The following SERGEF variants were observed in gnomAD, a reference collection of about 807,000 sequenced individuals.
SERGEF encodes the protein secretion regulating guanine nucleotide exchange factor.
In SERGEF, 51 loss-of-function variants were observed where a neutral mutation model predicts 50.0. The observed-to-expected ratio is 1.02, with a 90% confidence interval of 0.81 to 1.29. The LOEUF is 1.29. SERGEF is among the 50% of genes most tolerant of loss of function. The pLI, the probability that SERGEF is intolerant of heterozygous loss-of-function variation, is 0.00. For synonymous variants in SERGEF, 205 were observed against 212.4 expected (o/e 0.97, Z 0.30); for missense variants, 521 against 557.0 (o/e 0.94, Z 0.65).
At chr11:17,982,967 G>C (rs1218639612) in intron 8 of SERGEF, among the ~76,000 whole-genome samples, 1 of 152,122 alleles carries the variant, frequency 6.6e-6, no homozygotes. Flanking sequence ...CTCTCTGCTT[G>C]GTTTCAGTTT....
At chr11:17,949,972 A>T (rs1232868664) in intron 9 of SERGEF, among the ~76,000 whole-genome samples, 4 of 152,212 alleles carry the variant, frequency 2.6e-5, no homozygotes, top group Admixed American at 1.3e-4. Flanking sequence ...GCATGCAAAG[A>T]CCCAGAAGTA....
chr11:17,886,927 T>C (rs895516047), intron 9 of SERGEF, among the ~76,000 whole-genome samples: 2 of 152,186 alleles, frequency 1.3e-5, no homozygotes, highest in Admixed American at 6.5e-5. Context: ...TGTGGATTAA[T>C]GCATAGATTG....
chr11:17,843,622 A>T (rs1461326690), intron 10 of SERGEF, among the ~76,000 whole-genome samples: 1 of 152,176 alleles, frequency 6.6e-6, no homozygotes, highest in Non-Finnish European at 1.5e-5. Context: ...CATTAAGGAC[A>T]TTACTTGGAT....
intron 10 of SERGEF, among the ~76,000 whole-genome samples, chr11:17,871,936 G>C (rs192230255): frequency 8.1e-4 from 124 of 152,210 alleles, no homozygotes; most frequent in African/African-American, 2.9e-3. Flanking sequence ...GCACCCAAGA[G>C]AAATAAATGC....
chr11:17,861,891 C>A (rs1403442015), intron 10 of SERGEF, among the ~76,000 whole-genome samples: 2 of 152,264 alleles, frequency 1.3e-5, no homozygotes. Flanking sequence ...TAATATCTTA[C>A]AAAGCCACAA....
At position 17,788,208 on chromosome 11, in the gene SERGEF, G is replaced by A. The variant is rs748000615; in HGVS notation, c.1254C>T (p.Ser418=). The change falls in exon 11 of 11, where the codon TCC becomes TCT. Residue 418 remains serine (S), a synonymous_variant. Coordinates refer to ENST00000265965, the MANE Select transcript of SERGEF (RefSeq NM_012139.4). ...LVQDPKVTYL[S]PDAIEDTESQ... ...ATTCAGTGTCCTCGATGGCATCTGG[G>A]GAAAGGTAGGTGACCTTGGGGTCCT... 4.3e-6 allele frequency: 7 copies of A among 1,610,248 alleles called. No homozygotes were observed. The highest frequency in any genetic ancestry group is 5.9e-6 in the Non-Finnish European group (7 of 1,176,986).
rs547898268 is a variant in SERGEF at position 17,946,699 on chromosome 11, G to A, written c.1011+12771C>T. Among the ~76,000 whole-genome samples, 8 of 152,268 alleles carry A rather than the reference G, an allele frequency of 5.3e-5. No individual in the cohort carries two copies. In the East Asian group the frequency reaches 1.3e-3, roughly 26 times the overall value. ...GCAAAGGGAAATGCACCATTTGCAC[G>A]CCTCTGTGTTCTCACCCTAAAATAG... On this transcript the variant is annotated intron_variant, in intron 9 of 10. Transcript: ENST00000265965.
intron 5 of SERGEF, among the ~76,000 whole-genome samples, chr11:17,999,042 C>A (rs1454876269): frequency 1.3e-5 from 2 of 152,158 alleles, no homozygotes; most frequent in East Asian, 3.9e-4. Context: ...CTGATATACA[C>A]AACTTGGATG....
intron 8 of SERGEF, among the ~76,000 whole-genome samples, chr11:17,973,463 T>C (rs1853296630): frequency 1.3e-5 from 2 of 152,062 alleles, no homozygotes; most frequent in African/African-American, 2.4e-5. Flanking sequence ...TTTGGGGAAA[T>C]GGGAAGCTCA....
intron 9 of SERGEF, among the ~76,000 whole-genome samples, chr11:17,945,722 G>T (rs756109050): frequency 3.3e-5 from 5 of 152,076 alleles, no homozygotes; most frequent in Non-Finnish European, 7.4e-5. Flanking sequence ...TAAGGCAGGC[G>T]GATTACCTGG....
chr11:17,825,520 G>A (rs1850177402), intron 10 of SERGEF, among the ~76,000 whole-genome samples: 1 of 152,202 alleles, frequency 6.6e-6, no homozygotes, highest in Non-Finnish European at 1.5e-5. Context: ...TCTACCTAGT[G>A]TTTGTGGGTG....
intron 10 of SERGEF, among the ~76,000 whole-genome samples, chr11:17,791,831 A>G (rs1849488943): frequency 6.6e-6 from 1 of 152,264 alleles, no homozygotes; most frequent in South Asian, 2.1e-4. Flanking sequence ...CCTGGCACAT[A>G]GTACTACATA....
intron 9 of SERGEF, among the ~76,000 whole-genome samples, chr11:17,946,552 G>A (rs1852666321): frequency 6.6e-6 from 1 of 152,158 alleles, no homozygotes; most frequent in African/African-American, 2.4e-5. Flanking sequence ...AAGGCACGGG[G>A]AAATTATGCA....
chr11:17,830,428 C>A (rs557133591), intron 10 of SERGEF, among the ~76,000 whole-genome samples: 1 of 151,994 alleles, frequency 6.6e-6, no homozygotes, highest in African/African-American at 2.4e-5. Context: ...AAATAATAGA[C>A]GTTTATTGGT....
intron 9 of SERGEF, among the ~76,000 whole-genome samples, chr11:17,885,752 G>A (rs193029667): frequency 5.3e-4 from 80 of 151,924 alleles, no homozygotes; most frequent in Non-Finnish European, 3.8e-4. Context: ...TCTCTTTTCT[G>A]TCTCTGGAAA....
At position 17,832,255 on chromosome 11, in the gene SERGEF, T is replaced by C. The variant is rs1850321618; in HGVS notation, c.1049-43842A>G. On this transcript the variant is annotated intron_variant, in intron 10 of 10. Transcript: ENST00000265965. ...CATTCTCGTGCTGTTGTCATGATAG[T>C]CAATAAGTCTCATGAGATCTGATGG... is the stretch of plus-strand genomic sequence containing the variant. Among the ~76,000 whole-genome samples the C allele has an allele frequency of 3.3e-5, 5 of 152,306 alleles. No individual in the cohort carries two copies. The South Asian group carries it at 1.0e-3, about 32-fold the overall frequency.
chr11:17,910,309 T>C (rs1393939637), intron 9 of SERGEF, among the ~76,000 whole-genome samples: 2 of 152,084 alleles, frequency 1.3e-5, no homozygotes, highest in African/African-American at 4.8e-5. Context: ...AATGCAGTGG[T>C]GAACTCATAG....
chr11:17,788,696 A>T (rs1849430216), intron 10 of SERGEF, among the ~76,000 whole-genome samples: 1 of 152,060 alleles, frequency 6.6e-6, no homozygotes, highest in South Asian at 2.1e-4. Flanking sequence ...TCACCACCAC[A>T]TATAATCCAT....
chr11:17,858,423 GAA>G (rs1289672211), intron 10 of SERGEF, among the ~76,000 whole-genome samples: 1 of 152,122 alleles, frequency 6.6e-6, no homozygotes. Context: ...TCCTGCTCCA[GAA>G]AGTCAACAAC....
Sources: allele counts gnomAD v4.1 joint callset (sites outside exome capture counted in the v4.1 genomes callset), GRCh38; gene constraint gnomAD v4.1.1; transcripts MANE v1.5; gene names NCBI Gene and HGNC (gene_info 2026-07-23, HGNC 2026-07-21).